SLX4: variants seen among roughly 807,000 people sequenced by gnomAD.
SLX4 encodes the protein structure-specific endonuclease subunit SLX4.
In SLX4, 112 loss-of-function variants were observed where a neutral mutation model predicts 146.2. That is an observed-to-expected ratio of 0.77 (90% CI 0.66 to 0.90). The LOEUF is 0.90. Among genes scored for constraint, SLX4 ranks in the 40% least tolerant of loss-of-function variants. The pLI is 0.00. For synonymous variants in SLX4, 1,061 were observed against 997.7 expected, an observed-to-expected ratio of 1.06 and a Z score of -1.20; for missense variants, 2,563 against 2,392.7, an observed-to-expected ratio of 1.07 and a Z score of -1.49.
At chr16:3,600,475 C>T in intron 5 of SLX4, 1 of 172,206 alleles carries the variant, frequency 5.8e-6, no homozygotes, top group South Asian at 1.3e-4. Context: ...CAGAGCCTTC[C>T]AGAATGCAGA....
At position 3,584,811 on chromosome 16, in the gene SLX4, T is replaced by C. The variant is rs145145731; in HGVS notation, c.4697A>G (p.Tyr1566Cys). The change falls in exon 13 of 15, where the codon TAT becomes TGT. Residue 1566 changes from tyrosine to cysteine, a missense_variant. By Grantham distance (194) the Tyr-to-Cys change is radical (BLOSUM62 -2). Coordinates refer to ENST00000294008, the MANE Select transcript of SLX4 (RefSeq NM_032444.4). ...PKVPITPMPQ[Y>C]SIMETPVLKK... ...CAGCACCGGCGTCTCCATAATGGAATACTGTGGCATCGGCGTTATGGGCAC... is the reference window on the plus strand; with the variant it reads ...CAGCACCGGCGTCTCCATAATGGAACACTGTGGCATCGGCGTTATGGGCAC... 2.0e-5 allele frequency: 32 copies of C among 1,614,176 alleles called. No individual in the cohort carries two copies. The highest frequency in any genetic ancestry group is 3.4e-6 in the Non-Finnish European group (4 of 1,179,988).
intron 12 of SLX4, 95 bp from the exon 13 acceptor site, chr16:3,584,966 G>T: frequency 1.1e-6 from 1 of 931,502 alleles, no homozygotes. Flanking sequence ...TAATGCACTT[G>T]AAGATAACCC....
chr16:3,590,679 A>C lies in SLX4; in HGVS notation c.2959T>G (p.Phe987Val), dbSNP rs764387490. 1 of 1,614,176 alleles carries C rather than the reference A, an allele frequency of 6.2e-7. No individual in the cohort carries two copies. Among genetic ancestry groups the C allele is most frequent in the South Asian group, 1.1e-5 (1 of 91,088 alleles). ...GAGATCTCTCCCTGAGTTGATGAGA[A>C]GAGCTGTTCGTAATCCCCGGCATCA... ...SDDAGDYEQL[F>V]SSTQGEISEP... The change falls in exon 12 of 15, where the codon TTC (phenylalanine) becomes GTC (valine). Residue 987 changes from phenylalanine (F) to valine (V), a missense_variant. Coordinates refer to ENST00000294008, the MANE Select transcript of SLX4 (RefSeq NM_032444.4). The surrounding 1 kb of genome is among the most constrained non-coding windows in gnomAD (Gnocchi z 4.8).
rs763480007 is a variant in SLX4 at position 3,602,263 on chromosome 16, C to T, written c.805G>A (p.Ala269Thr). The T allele has an allele frequency of 6.2e-7, 1 of 1,614,182 alleles. No individual in the cohort carries two copies. The highest frequency in any genetic ancestry group is 8.5e-7 in the Non-Finnish European group (1 of 1,180,044). ...PPAPESDAAVALTLQQEFARV... is the reference protein window; with the variant it reads ...PPAPESDAAVTLTLQQEFARV... ...GCAAACTCCTGCTGCAGGGTCAAGG[C>T]CACCGCAGCGTCGCTCTCTGGGGCA... The change falls in exon 4 of 15, where the codon GCC (alanine) becomes ACC (threonine). Residue 269 changes from alanine (A) to threonine (T), a missense_variant. Coordinates refer to ENST00000294008, the MANE Select transcript of SLX4 (RefSeq NM_032444.4).
intron 5 of SLX4, 61 bp from the exon 6 acceptor site, chr16:3,598,060 G>A (rs2040686628): frequency 6.3e-7 from 1 of 1,595,920 alleles, no homozygotes; most frequent in Non-Finnish European, 8.6e-7. Flanking sequence ...TCTCAGGTTG[G>A]TCACACTGGT....
chr16:3,602,705 T>C (rs1374351072), intron 3 of SLX4, among the ~76,000 whole-genome samples: 5 of 152,194 alleles, frequency 3.3e-5, no homozygotes, highest in Non-Finnish European at 7.3e-5. Flanking sequence ...CCTCGGGCAT[T>C]GCAAGTTCAC....
chr16:3,584,237 A>G (rs1006019952), intron 13 of SLX4, among the ~76,000 whole-genome samples: 2 of 152,106 alleles, frequency 1.3e-5, no homozygotes, highest in Non-Finnish European at 2.9e-5. Flanking sequence ...CCTGGCCAAC[A>G]TGGTGAAACC....
chr16:3,606,613 T>C lies in SLX4; in HGVS notation c.621A>G (p.Gln207=), dbSNP rs747450611. The C allele has an allele frequency of 9.3e-6, 15 of 1,614,036 alleles. No individual in the cohort carries two copies. In the African/African-American group the frequency reaches 1.2e-4, roughly 13 times the overall value. Residue 207 remains glutamine (Q), a synonymous_variant, in exon 3 of 15, where the codon CAA becomes CAG. Coordinates refer to ENST00000294008, the MANE Select transcript of SLX4 (RefSeq NM_032444.4). Reference sequence around the variant, plus strand: ...ACTGCTGCATTCGCTGTAGGACCAATTGTGCTGTGCGGGGTTTGGAGGGAC... The same window carrying C: ...ACTGCTGCATTCGCTGTAGGACCAACTGTGCTGTGCGGGGTTTGGAGGGAC... ...VPSPSKPRTA[Q]LVLQRMQQFK...
chr16:3,594,253 G>A (rs541455244), intron 10 of SLX4, among the ~76,000 whole-genome samples, 200 bp downstream of exon 10: 3 of 152,214 alleles, frequency 2.0e-5, no homozygotes, highest in African/African-American at 7.2e-5. Flanking sequence ...CTAACCTCAA[G>A]CGTGGGTCTT....
At position 3,609,127 on chromosome 16, in the gene SLX4, G is replaced by C. The variant is rs1379738592; in HGVS notation, c.-163C>G. 6 of 814,060 alleles carry C rather than the reference G, an allele frequency of 7.4e-6. No individual in the cohort carries two copies. In the South Asian group the frequency reaches 9.9e-5, roughly 13 times the overall value. The allele number at this position is 814,060 out of a possible 1,614,324, so 50.4% of individuals were successfully genotyped here. A position where few individuals can be genotyped will look rare whatever the true frequency, so the allele number is the denominator to read the frequency against. On this transcript the variant is annotated 5_prime_UTR_variant, in exon 2 of 15. Coordinates refer to ENST00000294008, the MANE Select transcript of SLX4 (RefSeq NM_032444.4). ...TCTGTTAAAGTCCACAACTGGGCCG[G>C]GCGCGGTGGCTCACACTTGTAATCC...
intron 1 of SLX4, among the ~76,000 whole-genome samples, 188 bp downstream of exon 1, chr16:3,611,372 G>C (rs1412316916): frequency 6.6e-6 from 1 of 152,194 alleles, no homozygotes; most frequent in Non-Finnish European, 1.5e-5. Context: ...GGCGGGCCCC[G>C]GCCCCTCTCC....
At chr16:3,603,107 G>A (rs2040745680) in intron 3 of SLX4, among the ~76,000 whole-genome samples, 1 of 152,202 alleles carries the variant, frequency 6.6e-6, no homozygotes, top group Non-Finnish European at 1.5e-5. Flanking sequence ...AGGCTGGAGT[G>A]CAACGACGCG....
Position 3,602,217 on chromosome 16 carries a change from T to G in SLX4, c.851A>C (p.His284Pro), listed in dbSNP as rs778405275. The part of the protein sequence containing the change: ...QEFARVGASA[H>P]DDSLEEKGLF... Reference sequence around the variant, plus strand: ...ACCCTTTTCCTCCAGGCTATCATCATGTGCCGATGCTCCTACCCGTGCAAA... The same window carrying G: ...ACCCTTTTCCTCCAGGCTATCATCAGGTGCCGATGCTCCTACCCGTGCAAA... The change falls in exon 4 of 15, where the codon CAT becomes CCT. Residue 284 changes from histidine to proline, a missense_variant. Coordinates refer to ENST00000294008, the MANE Select transcript of SLX4 (RefSeq NM_032444.4). 6 of 1,614,206 alleles carry G rather than the reference T, an allele frequency of 3.7e-6. No individual in the cohort carries two copies. In the South Asian group the frequency reaches 4.4e-5, roughly 12 times the overall value.
At chr16:3,594,348 G>C (rs1026213867) in intron 10 of SLX4, 105 bp downstream of exon 10, 11 of 1,459,132 alleles carry the variant, frequency 7.5e-6, no homozygotes, top group African/African-American at 7.0e-5. Flanking sequence ...GGGAGAGTGG[G>C]GGGGTGGAAA....
At chr16:3,587,910 C>T (rs1033768820) in intron 12 of SLX4, among the ~76,000 whole-genome samples, 4 of 152,294 alleles carry the variant, frequency 2.6e-5, no homozygotes, top group Middle Eastern at 3.4e-3. Context: ...CCTGTCCTTG[C>T]CCTCCCCGGA....
chr16:3,584,288 G>A (rs2040481333), intron 13 of SLX4, among the ~76,000 whole-genome samples: 1 of 152,110 alleles, frequency 6.6e-6, no homozygotes, highest in Non-Finnish European at 1.5e-5. Context: ...TGGTGTGGTG[G>A]CGTGTGCCTG....
chr16:3,584,020 A>G (rs1374714009), intron 13 of SLX4, among the ~76,000 whole-genome samples: 1 of 151,910 alleles, frequency 6.6e-6, no homozygotes, highest in Non-Finnish European at 1.5e-5. Context: ...AATAAACAAA[A>G]GATATGCTGC....
chr16:3,586,644 G>A (rs2040511317), intron 12 of SLX4, among the ~76,000 whole-genome samples: 1 of 151,792 alleles, frequency 6.6e-6, no homozygotes, highest in African/African-American at 2.4e-5. Context: ...AACCCCATCT[G>A]TACTAAAAAT....
intron 10 of SLX4, among the ~76,000 whole-genome samples, chr16:3,594,006 G>C (rs1004207391): frequency 6.6e-6 from 1 of 152,052 alleles, no homozygotes; most frequent in Non-Finnish European, 1.5e-5. Flanking sequence ...CGAGTAGCTG[G>C]GACTACAGGC....
Sources: gnomAD v4.1 joint callset for allele counts (sites outside exome capture counted in the v4.1 genomes callset) on GRCh38, gnomAD v4.1.1 for gene constraint, Gnocchi (gnomAD v3.1) non-coding constraint, MANE v1.5 for transcripts, NCBI Gene and HGNC (gene_info 2026-07-23, HGNC 2026-07-21) for gene names.